Variants in FAF1 observed in about 807,000 individuals in gnomAD.
The protein encoded by FAF1 is FAS-associated factor 1.
A neutral mutation model predicts 92.5 loss-of-function variants in FAF1; 25 were observed. The ratio of observed to expected loss-of-function variants is 0.27; its 90% confidence interval spans 0.20 to 0.38. FAF1 has a LOEUF of 0.38. FAF1 is among the 10% of genes least tolerant of loss of function. The pLI, the probability that FAF1 is intolerant of heterozygous loss-of-function variation, is 1.00. For missense variants in FAF1, 636 were observed against 793.3 expected, an observed-to-expected ratio of 0.80 and a Z score of 2.38; for synonymous variants, 234 against 273.2, an observed-to-expected ratio of 0.86 and a Z score of 1.42.
chr1:50,738,384 G>A (rs532733100), intron 6 of FAF1, among the ~76,000 whole-genome samples: 50 of 151,270 alleles, frequency 3.3e-4, no homozygotes, highest in African/African-American at 1.1e-3. Context: ...CAGAGGTTGC[G>A]GTGAGCCAAG....
chr1:50,452,212 A>G, intron 18 of FAF1: 1 of 1,256,388 alleles, frequency 8.0e-7, no homozygotes, highest in South Asian at 1.2e-5. Context: ...CATAATTTCA[A>G]GCAAATAAAA....
intron 8 of FAF1, among the ~76,000 whole-genome samples, chr1:50,615,281 C>T (rs1652861212): frequency 6.6e-6 from 1 of 152,140 alleles, no homozygotes; most frequent in Non-Finnish European, 1.5e-5. Flanking sequence ...TTATCCAATC[C>T]ACCACTGATG....
At chr1:50,483,936 C>T (rs1646731679) in intron 17 of FAF1, among the ~76,000 whole-genome samples, 1 of 152,050 alleles carries the variant, frequency 6.6e-6, no homozygotes, top group Non-Finnish European at 1.5e-5. Flanking sequence ...CAATTTAAAA[C>T]ATATTAAGTT....
chr1:50,771,185 G>T (rs747114437), intron 4 of FAF1, among the ~76,000 whole-genome samples: 6 of 152,112 alleles, frequency 3.9e-5, no homozygotes, highest in Non-Finnish European at 7.3e-5. Context: ...TCTGGACATA[G>T]GCCCTGGCAA....
chr1:50,729,058 A>AAATTT (rs1553132916), intron 6 of FAF1, among the ~76,000 whole-genome samples: 3 of 70,130 alleles, frequency 4.3e-5, no homozygotes, highest in Non-Finnish European at 8.1e-5. Context: ...ATATATATAT[A>AAATTT]TTTTTTTTTT....
At chr1:50,923,255 A>G (rs2124735570) in intron 1 of FAF1, among the ~76,000 whole-genome samples, 1 of 152,220 alleles carries the variant, frequency 6.6e-6, no homozygotes, top group South Asian at 2.1e-4. Context: ...CCATCACTAC[A>G]AAAAATATTC....
At chr1:50,894,229 G>A (rs1644740906) in intron 1 of FAF1, among the ~76,000 whole-genome samples, 1 of 151,148 alleles carries the variant, frequency 6.6e-6, no homozygotes, top group African/African-American at 2.4e-5. Context: ...AACCCAGGAG[G>A]TGGAGGTTGC....
At chr1:50,478,203 G>A (rs1423808608) in intron 17 of FAF1, among the ~76,000 whole-genome samples, 8 of 147,556 alleles carry the variant, frequency 5.4e-5, no homozygotes, top group South Asian at 2.1e-4. Flanking sequence ...TCACTCTGTC[G>A]CCCAGGCTGG....
chr1:50,756,779 A>C (rs1660092134), intron 4 of FAF1, among the ~76,000 whole-genome samples: 1 of 152,214 alleles, frequency 6.6e-6, no homozygotes, highest in Non-Finnish European at 1.5e-5. Flanking sequence ...GCAAAGAGAG[A>C]GAGCTTGTGC....
At position 50,819,744 on chromosome 1, in the gene FAF1, T is replaced by C. The variant is rs1290782425; in HGVS notation, c.115-18067A>G. Among the ~76,000 whole-genome samples the C allele has an allele frequency of 2.6e-4, 18 of 68,364 alleles. 2 individuals are homozygous for C. Among genetic ancestry groups the C allele is most frequent in the African/African-American group, 7.2e-4 (15 of 20,964 alleles). 44.8% of individuals were successfully genotyped at this position (68,364 alleles called of 152,430 possible). A position where few individuals can be genotyped will look rare whatever the true frequency, so the allele number is the denominator to read the frequency against. On this transcript the variant is annotated intron_variant, in intron 2 of 18. Coordinates refer to ENST00000396153, the MANE Select transcript of FAF1 (RefSeq NM_007051.3). Reference sequence around the variant, plus strand: ...ATATATATATACATATATATACATATATATATACATATATATATACGTATA... The same window carrying C: ...ATATATATATACATATATATACATACATATATACATATATATATACGTATA...
At chr1:50,570,160 AC>A (rs1650365682) in intron 12 of FAF1, among the ~76,000 whole-genome samples, 1 of 152,184 alleles carries the variant, frequency 6.6e-6, no homozygotes, top group South Asian at 2.1e-4. Flanking sequence ...TCCTAGAGAG[AC>A]AGCTCACCAC....
At chr1:50,728,395 C>A (rs538323269) in intron 6 of FAF1, among the ~76,000 whole-genome samples, 1 of 152,132 alleles carries the variant, frequency 6.6e-6, no homozygotes, top group South Asian at 2.1e-4. Context: ...AGAGGGACAG[C>A]GATAAAAGAC....
At chr1:50,638,548 A>C (rs1654172752) in intron 8 of FAF1, among the ~76,000 whole-genome samples, 2 of 151,062 alleles carry the variant, frequency 1.3e-5, no homozygotes, top group South Asian at 4.2e-4. Flanking sequence ...GGGTTCAAGC[A>C]ATTCTCTGCC....
chr1:50,609,559 T>A (rs564889454), intron 8 of FAF1, among the ~76,000 whole-genome samples: 67 of 152,270 alleles, frequency 4.4e-4, no homozygotes, highest in South Asian at 2.9e-3. Context: ...CAACTTTTTT[T>A]AAATTTTTAG....
At chr1:50,740,970 T>G (rs1191526594) in intron 5 of FAF1, among the ~76,000 whole-genome samples, 1 of 152,230 alleles carries the variant, frequency 6.6e-6, no homozygotes, top group Non-Finnish European at 1.5e-5. Flanking sequence ...TTCTATTAAA[T>G]TTTCCCATCA....
intron 2 of FAF1, among the ~76,000 whole-genome samples, chr1:50,823,721 G>A (rs1014320482): frequency 7.3e-5 from 11 of 151,526 alleles, no homozygotes; most frequent in African/African-American, 1.9e-4. Context: ...AAGGAATATC[G>A]GTTTGGGACA....
chr1:50,664,129 C>G (rs1014236516), intron 7 of FAF1, among the ~76,000 whole-genome samples: 1 of 150,852 alleles, frequency 6.6e-6, no homozygotes, highest in African/African-American at 2.5e-5. Context: ...TCCCGAGAAG[C>G]TGGGATTACA....
chr1:50,724,531 G>A (rs1658565354), intron 6 of FAF1, among the ~76,000 whole-genome samples: 1 of 152,136 alleles, frequency 6.6e-6, no homozygotes, highest in African/African-American at 2.4e-5. Context: ...TCAGGGAGAA[G>A]GTGTAAGTTT....
chr1:50,777,935 G>C (rs538325772), intron 4 of FAF1, among the ~76,000 whole-genome samples: 1 of 152,060 alleles, frequency 6.6e-6, no homozygotes, highest in South Asian at 2.1e-4. Flanking sequence ...ATATCTTCAC[G>C]CTATGATTCA....
Sources: gnomAD v4.1 joint callset for allele counts (sites outside exome capture counted in the v4.1 genomes callset) on GRCh38, gnomAD v4.1.1 for gene constraint, MANE v1.5 for transcripts, NCBI Gene and HGNC (gene_info 2026-07-23, HGNC 2026-07-21) for gene names.